TENM1: variants seen among roughly 807,000 people sequenced by gnomAD.
TENM1 encodes teneurin-1.
A neutral mutation model predicts 174.8 loss-of-function variants in TENM1; 35 were observed. The observed-to-expected ratio is 0.20, with a 90% CI of 0.15 to 0.27. The LOEUF (loss-of-function observed/expected upper bound fraction) is 0.27. Ranked by LOEUF, TENM1 falls within the 10% of genes least tolerant of loss-of-function variation. TENM1 has a pLI of 1.00. For missense variants in TENM1, 1,633 were observed against 2,130.1 expected (o/e 0.77, Z 4.59); for synonymous variants, 781 against 798.7 (o/e 0.98, Z 0.37).
the TENM1 span, among the ~76,000 whole-genome samples, chrX:125,090,777 C>A: frequency 3.7e-5 from 4 of 107,849 alleles, no homozygotes; most frequent in Non-Finnish European, 5.7e-5. Context: ...TGAGTAGAAA[C>A]TCACCCTGTC....
exon 29 of TENM1, chrX:124,385,931 C>T: frequency 1.7e-6 from 2 of 1,207,665 alleles, no homozygotes; most frequent in Non-Finnish European, 2.2e-6. Flanking sequence ...GTAGATGTTC[C>T]GGTAGTAGCC....
chrX:124,757,267 G>A (rs1299302470), intron 3 of TENM1, among the ~76,000 whole-genome samples: 3 of 112,413 alleles, frequency 2.7e-5, no homozygotes, highest in East Asian at 5.6e-4. Context: ...AGCAATCAGC[G>A]AGACTCCGTG....
chrX:125,031,864 A>C, the TENM1 span, among the ~76,000 whole-genome samples: 1 of 112,229 alleles, frequency 8.9e-6, no homozygotes, highest in East Asian at 2.8e-4. Context: ...CTGTGAACTA[A>C]GGGTTAGAAG....
rs1484006454 is a variant in TENM1, at chrX:124,495,508, T to C, written c.3695+1508A>G. Reference sequence around the variant, plus strand: ...AGTTTCTTTTGCTGTGCAGAAGCTCTGTAGTTTAATTAGATCCCATTTGTC... The same window carrying C: ...AGTTTCTTTTGCTGTGCAGAAGCTCCGTAGTTTAATTAGATCCCATTTGTC... On this transcript the variant is annotated intron_variant, in intron 20 of 31. Transcript: ENST00000422452. Among the ~76,000 whole-genome samples the C allele has an allele frequency of 6.4e-5, 7 of 110,055 alleles. No individual in the cohort carries two copies. The Admixed American group carries it at 6.8e-4, about 11-fold the overall frequency.
chrX:124,581,811 CAT>C (rs1486398118), intron 11 of TENM1, among the ~76,000 whole-genome samples: 4 of 111,691 alleles, frequency 3.6e-5, no homozygotes, highest in East Asian at 2.8e-4. Flanking sequence ...AGCATTTTTT[CAT>C]ATGTTTGTTG....
intron 11 of TENM1, among the ~76,000 whole-genome samples, chrX:124,606,104 T>C (rs1326293312): frequency 9.0e-6 from 1 of 111,455 alleles, no homozygotes; most frequent in Non-Finnish European, 1.9e-5. Context: ...ACAATGCATT[T>C]TGCAAAGTAT....
the TENM1 span, among the ~76,000 whole-genome samples, chrX:125,080,962 G>A: frequency 9.0e-6 from 1 of 110,876 alleles, no homozygotes; most frequent in African/African-American, 3.3e-5. Context: ...GGCACATACT[G>A]GCTTAGCAAA....
chrX:124,862,646 G>A lies in TENM1; in HGVS notation c.535+31650C>T, dbSNP rs377370298. Among the ~76,000 whole-genome samples, 8 of 111,105 alleles carry A rather than the reference G, an allele frequency of 7.2e-5. No homozygotes were observed. The South Asian group carries it at 3.1e-3, about 43-fold the overall frequency. ...GAGTGGGTACAAACCTCACCACTGA[G>A]GGCTACAGCATTCTGTGCCTCCAAG... On this transcript the variant is annotated intron_variant, in intron 3 of 31. Transcript: ENST00000422452.
intron 29 of TENM1, 94 bp downstream of exon 32, chrX:124,385,583 T>C (rs2060208733): frequency 1.2e-6 from 1 of 858,440 alleles, no homozygotes; most frequent in East Asian, 3.1e-5. Context: ...TGAATGTGTG[T>C]AGATTAATGC....
intron 3 of TENM1, among the ~76,000 whole-genome samples, chrX:124,885,726 A>G (rs1281254624): frequency 9.0e-6 from 1 of 111,133 alleles, no homozygotes; most frequent in African/African-American, 3.3e-5. Context: ...TAATCTATTT[A>G]TTAAAAAATA....
chrX:124,782,175 A>G (rs2054928098), intron 3 of TENM1, among the ~76,000 whole-genome samples: 1 of 111,800 alleles, frequency 8.9e-6, no homozygotes, highest in African/African-American at 3.3e-5. Context: ...AGAACAGCCT[A>G]CTAATCAGGA....
intron 5 of TENM1, among the ~76,000 whole-genome samples, chrX:124,672,605 T>C (rs938473377): frequency 8.9e-6 from 1 of 111,938 alleles, no homozygotes; most frequent in African/African-American, 3.2e-5. Flanking sequence ...GAATTAACTA[T>C]GAATGTTGCC....
At chrX:124,585,605 C>T (rs1288097749) in intron 11 of TENM1, among the ~76,000 whole-genome samples, 1 of 110,265 alleles carries the variant, frequency 9.1e-6, no homozygotes, top group Non-Finnish European at 1.9e-5. Flanking sequence ...AAATTGACAC[C>T]CTAACATCAC....
chrX:124,565,880 T>C (rs951931216), intron 11 of TENM1, among the ~76,000 whole-genome samples: 3 of 111,841 alleles, frequency 2.7e-5, no homozygotes, highest in South Asian at 3.7e-4. Context: ...AGCATCTGAA[T>C]GAATGTGCAA....
chrX:124,824,659 A>G (rs758951793), intron 3 of TENM1, among the ~76,000 whole-genome samples: 2 of 112,299 alleles, frequency 1.8e-5, no homozygotes, highest in African/African-American at 3.2e-5. Flanking sequence ...GTCTAAGATC[A>G]TATAGCTGGT....
chrX:124,628,517 T>C (rs1234368808), intron 11 of TENM1, among the ~76,000 whole-genome samples: 2 of 111,589 alleles, frequency 1.8e-5, no homozygotes, highest in African/African-American at 6.5e-5. Context: ...ATGTAATCAA[T>C]ATAAAAATTA....
chrX:124,853,390 T>C (rs1413574189), intron 3 of TENM1, among the ~76,000 whole-genome samples: 1 of 110,622 alleles, frequency 9.0e-6, no homozygotes, highest in Admixed American at 9.6e-5. Context: ...ATAGAGAGAT[T>C]AATAATGCAA....
chrX:124,511,057 T>C (rs1161958717), intron 18 of TENM1, among the ~76,000 whole-genome samples: 1 of 112,022 alleles, frequency 8.9e-6, no homozygotes, highest in Non-Finnish European at 1.9e-5. Flanking sequence ...CTTTTGGATA[T>C]CCTATATCTT....
intron 14 of TENM1, among the ~76,000 whole-genome samples, chrX:124,552,171 A>G (rs887719123): frequency 8.9e-6 from 1 of 112,174 alleles, no homozygotes; most frequent in Non-Finnish European, 1.9e-5. Flanking sequence ...GGGTCTGCTG[A>G]GCAAATTAAT....
Sources: gnomAD v4.1 joint callset for allele counts (sites outside exome capture counted in the v4.1 genomes callset) on GRCh38, gnomAD v4.1.1 for gene constraint, MANE v1.5 for transcripts, NCBI Gene and HGNC (gene_info 2026-07-23, HGNC 2026-07-21) for gene names.